Variants in DMTF1 observed in about 807,000 individuals in gnomAD.
DMTF1 encodes the protein cyclin D binding myb like transcription factor 1.
Under a neutral mutation model 91.1 loss-of-function variants are expected in DMTF1, and 39 were observed. The observed-to-expected ratio is 0.43, with a 90% CI of 0.33 to 0.56. DMTF1 has a LOEUF of 0.56. DMTF1 is among the 20% of genes least tolerant of loss of function. The pLI, the probability that DMTF1 is intolerant of heterozygous loss-of-function variation, is 0.05. For missense variants in DMTF1, 750 were observed against 914.5 expected (o/e 0.82, Z 2.32); for synonymous variants, 338 against 309.5 (o/e 1.09, Z -0.97).
chr7:87,156,443 T>G (rs778932743), intron 1 of DMTF1, among the ~76,000 whole-genome samples: 48 of 152,296 alleles, frequency 3.2e-4, no homozygotes, highest in Middle Eastern at 3.4e-3. Flanking sequence ...TAGTAAACAT[T>G]AATTAGGTAC....
At chr7:87,154,574 G>T (rs1790189763) in intron 1 of DMTF1, 1 of 152,552 alleles carries the variant, frequency 6.6e-6, no homozygotes, top group Admixed American at 6.5e-5. Flanking sequence ...AAGTTCATAC[G>T]TTGCAGTTAT....
At chr7:87,170,314 G>A (rs1794778818) in intron 4 of DMTF1, among the ~76,000 whole-genome samples, 1 of 152,082 alleles carries the variant, frequency 6.6e-6, no homozygotes, top group Non-Finnish European at 1.5e-5. Context: ...TTTTCTTATA[G>A]CAGCCAGAGT....
chr7:87,161,569 AGAG>A (rs1259392547), intron 1 of DMTF1, among the ~76,000 whole-genome samples: 2 of 152,210 alleles, frequency 1.3e-5, no homozygotes, highest in Admixed American at 6.5e-5. Context: ...TGCATATAGT[AGAG>A]GTAATATATT....
At chr7:87,190,511 T>C (rs1318590838) in intron 13 of DMTF1, among the ~76,000 whole-genome samples, 1 of 152,080 alleles carries the variant, frequency 6.6e-6, no homozygotes, top group Non-Finnish European at 1.5e-5. Context: ...CTTCCTACCG[T>C]TAGAAACATT....
chr7:87,184,326 G>A (rs1275603164), intron 10 of DMTF1, 71 bp from the exon 11 acceptor site: 10 of 1,420,062 alleles, frequency 7.0e-6, no homozygotes, highest in South Asian at 1.2e-5. Flanking sequence ...ATCAGTCCTT[G>A]TAAATAGAGG....
At chr7:87,188,465 CAATG>C (rs1798966832) in intron 13 of DMTF1, among the ~76,000 whole-genome samples, 164 bp downstream of exon 13, 1 of 152,228 alleles carries the variant, frequency 6.6e-6, no homozygotes, top group South Asian at 2.1e-4. Flanking sequence ...TTTGCACACA[CAATG>C]AATGTGTGAC....
At chr7:87,179,447 G>A (rs952952512) in intron 7 of DMTF1, 98 bp from the exon 8 acceptor site, 8 of 1,008,252 alleles carry the variant, frequency 7.9e-6, no homozygotes, top group African/African-American at 6.7e-5. Flanking sequence ...TCTAAATGCC[G>A]TTGATGACCT....
chr7:87,164,823 T>C (rs1174518951), intron 2 of DMTF1, 111 bp from the exon 3 acceptor site: 6 of 548,730 alleles, frequency 1.1e-5, no homozygotes, highest in Non-Finnish European at 1.8e-5. Flanking sequence ...TGAAGAACAC[T>C]GTAGGCAGAT....
At chr7:87,184,337 G>A (rs935883919) in intron 10 of DMTF1, 60 bp from the exon 11 acceptor site, 2 of 1,470,672 alleles carry the variant, frequency 1.4e-6, no homozygotes, top group African/African-American at 2.8e-5. Flanking sequence ...TAAATAGAGG[G>A]CTGAATCAGA....
chr7:87,179,080 G>C (rs1796836246), intron 7 of DMTF1, among the ~76,000 whole-genome samples: 1 of 151,510 alleles, frequency 6.6e-6, no homozygotes, highest in African/African-American at 2.4e-5. Flanking sequence ...TCTCTATTTA[G>C]GCCTCATTTT....
intron 3 of DMTF1, among the ~76,000 whole-genome samples, chr7:87,166,166 C>T (rs1041188293): frequency 4.6e-5 from 7 of 152,212 alleles, no homozygotes; most frequent in Admixed American, 2.6e-4. Context: ...ATTTTCCTAA[C>T]ATACCTATAC....
chr7:87,161,820 A>G (rs1792498604), intron 1 of DMTF1, among the ~76,000 whole-genome samples: 1 of 152,360 alleles, frequency 6.6e-6, no homozygotes, highest in Non-Finnish European at 1.5e-5. Flanking sequence ...TTTTTAAAAA[A>G]TAACTATTGG....
chr7:87,194,862 A>G (rs753051077), intron 17 of DMTF1, 34 bp downstream of exon 17: 20 of 1,574,476 alleles, frequency 1.3e-5, no homozygotes, highest in Admixed American at 3.7e-5. Flanking sequence ...TGTGCCTGAT[A>G]AATTTTAGAT....
intron 12 of DMTF1, chr7:87,187,281 C>A (rs1180679022): frequency 6.6e-6 from 1 of 152,264 alleles, no homozygotes; most frequent in Non-Finnish European, 1.5e-5. Flanking sequence ...TGCCTATAAT[C>A]CCAGTACTGT....
At chr7:87,184,832 T>C (rs770286931) in intron 11 of DMTF1, 79 of 667,702 alleles carry the variant, frequency 1.2e-4, no homozygotes, top group Non-Finnish European at 2.1e-4. Context: ...GGTTTAGTGC[T>C]CATGCAAAGT....
chr7:87,172,493 C>A (rs1429799236), intron 5 of DMTF1, among the ~76,000 whole-genome samples: 1 of 152,204 alleles, frequency 6.6e-6, no homozygotes, highest in Non-Finnish European at 1.5e-5. Context: ...TTACCTCTTT[C>A]CAAGAGAGAT....
intron 1 of DMTF1, among the ~76,000 whole-genome samples, chr7:87,159,033 A>AT (rs1454163174): frequency 6.6e-6 from 1 of 152,114 alleles, no homozygotes; most frequent in East Asian, 1.9e-4. Context: ...AGATTATGAG[A>AT]TACATAATCT....
intron 1 of DMTF1, among the ~76,000 whole-genome samples, chr7:87,161,936 CAT>C (rs1792539500): frequency 6.6e-6 from 1 of 152,078 alleles, no homozygotes; most frequent in South Asian, 2.1e-4. Context: ...GAAATTTTGT[CAT>C]ATCCTTTGAT....
rs1377948576 is a variant in DMTF1, at chr7:87,163,525, A to G, written c.-101A>G. 6.6e-6 allele frequency: 1 copy of G among 152,268 alleles called. No individual in the cohort carries two copies. Among genetic ancestry groups the G allele is most frequent in the Non-Finnish European group, 1.5e-5 (1 of 68,076 alleles). The allele number at this position is 152,268 out of a possible 1,614,324, so 9.4% of individuals were successfully genotyped here. ...TGCGGAGATAGGAACATGGGAGAGAAACAATCTGGGTAACATGAAAGTGAT... is the reference window on the plus strand; with the variant it reads ...TGCGGAGATAGGAACATGGGAGAGAGACAATCTGGGTAACATGAAAGTGAT... On this transcript the variant is annotated 5_prime_UTR_variant, in exon 2 of 18. Coordinates refer to ENST00000331242, the MANE Select transcript of DMTF1 (RefSeq NM_001142327.2).
Sources: allele counts gnomAD v4.1 joint callset (sites outside exome capture counted in the v4.1 genomes callset), GRCh38; gene constraint gnomAD v4.1.1; transcripts MANE v1.5; gene names NCBI Gene and HGNC (gene_info 2026-07-23, HGNC 2026-07-21).